The following DSCAML1 variants were observed in gnomAD, a reference collection of about 807,000 sequenced individuals.
The protein encoded by DSCAML1 is DS cell adhesion molecule like 1.
DSCAML1 carries 38 observed loss-of-function variants against 200.5 expected under a neutral mutation model. That is an observed-to-expected ratio of 0.19 (90% confidence interval 0.15 to 0.25). The LOEUF is 0.25. Among genes scored for constraint, DSCAML1 ranks in the 10% least tolerant of loss-of-function variants. DSCAML1 has a pLI of 1.00. For synonymous variants in DSCAML1, 1,215 were observed against 1,165.0 expected (o/e 1.04, Z -0.87); for missense variants, 2,223 against 2,858.8 (o/e 0.78, Z 5.07).
intron 3 of DSCAML1, among the ~76,000 whole-genome samples, chr11:117,589,546 G>A (rs1413336927): frequency 2.6e-5 from 4 of 152,146 alleles, no homozygotes; most frequent in East Asian, 1.9e-4. Flanking sequence ...CTGCGTCTTC[G>A]TATGCACCAG....
intron 3 of DSCAML1, among the ~76,000 whole-genome samples, chr11:117,684,454 A>G (rs1357488044): frequency 1.4e-5 from 2 of 148,114 alleles, no homozygotes; most frequent in African/African-American, 2.5e-5. Flanking sequence ...AAAAAAAAAA[A>G]AAAAAAGAAA....
chr11:117,518,838 A>AG lies in DSCAML1; in HGVS notation c.1214-77dup. The AG allele has an allele frequency of 6.8e-7, 1 of 1,476,610 alleles. No homozygotes were observed. Among genetic ancestry groups the AG allele is most frequent in the Non-Finnish European group, 9.0e-7 (1 of 1,115,374 alleles). The allele number at this position is 1,476,610 out of a possible 1,614,324, so 91.5% of individuals were successfully genotyped here. On this transcript the variant is annotated intron_variant, in intron 6 of 32. Transcript: ENST00000651296. This position sits in a 1 kb window ranked among gnomAD's most constrained non-coding sequence, Gnocchi z 6.3. ...GTCCCCCCAGCCACCCCACCTCAGCAGGGGAGGAGGCAAAAAGCAGCCATA... is the reference window on the plus strand; with the variant it reads ...GTCCCCCCAGCCACCCCACCTCAGCAGGGGGAGGAGGCAAAAAGCAGCCATA...
In DSCAML1 at chr11:117,431,050, A is replaced by C; in HGVS notation, c.5375-17T>G. On this transcript the variant is annotated splice_polypyrimidine_tract_variant and intron_variant, in intron 31 of 32. Transcript: ENST00000651296. ...TTCCTTTGTCTGGGGAGTTAAGAGG[A>C]AAGGGGTGGGTTACGGGGAGGAGGG... is the stretch of plus-strand genomic sequence containing the variant. 2 of 1,600,120 alleles carry C rather than the reference A, an allele frequency of 1.2e-6. No individual in the cohort carries two copies. Among genetic ancestry groups the C allele is most frequent in the Non-Finnish European group, 1.7e-6 (2 of 1,172,736 alleles).
chr11:117,582,295 C>T (rs1162613520), intron 3 of DSCAML1, among the ~76,000 whole-genome samples: 1 of 152,170 alleles, frequency 6.6e-6, no homozygotes, highest in African/African-American at 2.4e-5. Flanking sequence ...TTCTCTATTC[C>T]TTTGGAGAAG....
intron 3 of DSCAML1, among the ~76,000 whole-genome samples, chr11:117,600,851 G>A (rs1004381212): frequency 1.3e-5 from 2 of 152,190 alleles, no homozygotes; most frequent in Non-Finnish European, 2.9e-5. Context: ...CACTGGAGGA[G>A]GCCAGGAGGC....
intron 3 of DSCAML1, among the ~76,000 whole-genome samples, chr11:117,769,714 G>A (rs1364699882): frequency 1.3e-5 from 2 of 149,974 alleles, no homozygotes; most frequent in African/African-American, 2.5e-5. Context: ...TTTACTTAGC[G>A]TCTTTGTGCC....
At chr11:117,700,876 C>A (rs1380378661) in intron 3 of DSCAML1, among the ~76,000 whole-genome samples, 1 of 152,262 alleles carries the variant, frequency 6.6e-6, no homozygotes, top group African/African-American at 2.4e-5. Context: ...AGAGATGGAG[C>A]CAGTCAGGGT....
In DSCAML1 at chr11:117,500,926, T is replaced by G. The variant is rs2049381768; in HGVS notation, c.2359+2919A>C. On this transcript the variant is annotated intron_variant, in intron 11 of 32. Coordinates refer to ENST00000651296, the MANE Select transcript of DSCAML1 (RefSeq NM_020693.4). ...GAGTTCTGGAAAGGTAAAGTTATTT[T>G]GGGTCAAAACTTTCCCGAGTGTATT... Among the ~76,000 whole-genome samples the G allele has an allele frequency of 2.0e-5, 3 of 152,186 alleles. 1 individual carries two copies. The highest frequency in any genetic ancestry group is 2.4e-5 in the African/African-American group (1 of 41,446).
At chr11:117,662,602 C>A (rs2052879020) in intron 3 of DSCAML1, among the ~76,000 whole-genome samples, 2 of 152,206 alleles carry the variant, frequency 1.3e-5, no homozygotes, top group South Asian at 4.1e-4. Flanking sequence ...CAGCCTAGCA[C>A]AACACCCTGC....
In DSCAML1 at chr11:117,577,456, CCTTT is replaced by C. The variant is rs1160215308; in HGVS notation, c.512-44938_512-44935del. On this transcript the variant is annotated intron_variant, in intron 3 of 32. Transcript: ENST00000651296. ...TCCTTCTTTCCTTCCTTCCTTCCTT[CCTTT>C]CCTTCCTTCCTTCCTTCCTTCCTTC... 6.9e-5 allele frequency among the ~76,000 whole-genome samples: 4 copies of C among 57,632 alleles called. 1 individual carries two copies. The highest frequency in any genetic ancestry group is 1.3e-3 in the East Asian group (2 of 1,560). The allele number at this position is 57,632 out of a possible 152,430, so 37.8% of individuals were successfully genotyped here.
intron 4 of DSCAML1, among the ~76,000 whole-genome samples, chr11:117,528,165 C>T (rs1211887921): frequency 2.0e-5 from 3 of 152,160 alleles, no homozygotes; most frequent in African/African-American, 7.2e-5. Context: ...GGCCTCTTCT[C>T]CCACCCCCAA....
At chr11:117,537,024 C>T (rs1453450146) in intron 3 of DSCAML1, among the ~76,000 whole-genome samples, 1 of 152,198 alleles carries the variant, frequency 6.6e-6, no homozygotes, top group Non-Finnish European at 1.5e-5. Flanking sequence ...GTTACATAAT[C>T]CATCCAAGGT....
chr11:117,709,410 C>T (rs544352604), intron 3 of DSCAML1, among the ~76,000 whole-genome samples: 3 of 152,192 alleles, frequency 2.0e-5, no homozygotes, highest in Non-Finnish European at 4.4e-5. Flanking sequence ...TATCTCTTCC[C>T]GTAAGAACAC....
chr11:117,659,844 G>T (rs762390143), intron 3 of DSCAML1, among the ~76,000 whole-genome samples: 1 of 151,918 alleles, frequency 6.6e-6, no homozygotes, highest in African/African-American at 2.4e-5. Context: ...TCAGCCTCCC[G>T]AGTAGCTGGG....
At chr11:117,439,568 A>G in intron 22 of DSCAML1, 139 bp from the exon 23 acceptor site, 1 of 1,191,396 alleles carries the variant, frequency 8.4e-7, no homozygotes. Flanking sequence ...GGCTTTGCTC[A>G]GCACTCCCTG....
At chr11:117,716,969 G>T (rs1370338047) in intron 3 of DSCAML1, among the ~76,000 whole-genome samples, 2 of 152,052 alleles carry the variant, frequency 1.3e-5, no homozygotes, top group Non-Finnish European at 2.9e-5. Flanking sequence ...TAGATGGTTG[G>T]TGTTGCCAGA....
At chr11:117,737,051 G>C (rs1448566127) in intron 3 of DSCAML1, among the ~76,000 whole-genome samples, 1 of 152,180 alleles carries the variant, frequency 6.6e-6, no homozygotes, top group Non-Finnish European at 1.5e-5. Context: ...CACAGTGTGG[G>C]TATCAGGCTC....
intron 3 of DSCAML1, among the ~76,000 whole-genome samples, chr11:117,744,867 T>G (rs538451227): frequency 1.6e-4 from 25 of 152,310 alleles, no homozygotes; most frequent in Admixed American, 3.9e-4. Flanking sequence ...ATGTCAGCTC[T>G]GAGATGTACA....
intron 1 of DSCAML1, among the ~76,000 whole-genome samples, chr11:117,815,929 A>G (rs1212189555): frequency 2.0e-5 from 3 of 151,892 alleles, no homozygotes; most frequent in Non-Finnish European, 4.4e-5. Context: ...AAATCTGCCA[A>G]AACGGGTTGG....
Sources: gnomAD v4.1 joint callset for allele counts (sites outside exome capture counted in the v4.1 genomes callset) on GRCh38, gnomAD v4.1.1 for gene constraint, Gnocchi (gnomAD v3.1) non-coding constraint, MANE v1.5 for transcripts, NCBI Gene and HGNC (gene_info 2026-07-23, HGNC 2026-07-21) for gene names.